The following RALGPS1 variants were observed in gnomAD, a reference collection of about 807,000 sequenced individuals.
RALGPS1 encodes ras-specific guanine nucleotide-releasing factor RalGPS1.
In RALGPS1, 19 loss-of-function variants were observed where a neutral mutation model predicts 78.8. The observed-to-expected ratio is 0.24, with a 90% CI of 0.17 to 0.35. The LOEUF (loss-of-function observed/expected upper bound fraction) is 0.35, where lower values mean the gene tolerates loss of function less well. Ranked by LOEUF, RALGPS1 falls within the 10% of genes least tolerant of loss-of-function variation. The pLI is 1.00. For missense variants in RALGPS1, 454 were observed against 688.3 expected (o/e 0.66, Z 3.81); for synonymous variants, 228 against 256.3 (o/e 0.89, Z 1.06).
chr9:127,179,680 T>C (rs1301913665), intron 11 of RALGPS1, among the ~76,000 whole-genome samples: 1 of 152,190 alleles, frequency 6.6e-6, no homozygotes, highest in Non-Finnish European at 1.5e-5. Context: ...GCTCACATTT[T>C]AGTCGGGGAA....
chr9:126,964,040 C>T (rs1162531000), intron 2 of RALGPS1, among the ~76,000 whole-genome samples: 1 of 152,092 alleles, frequency 6.6e-6, no homozygotes, highest in Non-Finnish European at 1.5e-5. Context: ...GGGAGAATGT[C>T]CTGTCACTGT....
intron 1 of RALGPS1, among the ~76,000 whole-genome samples, chr9:126,955,141 A>T (rs556338198): frequency 6.6e-6 from 1 of 152,170 alleles, no homozygotes; most frequent in South Asian, 2.1e-4. Context: ...CTTTCACCCT[A>T]TTTCATTTCT....
At chr9:126,924,947 G>C (rs907631074) in intron 1 of RALGPS1, among the ~76,000 whole-genome samples, 2 of 152,100 alleles carry the variant, frequency 1.3e-5, no homozygotes, top group Non-Finnish European at 2.9e-5. Context: ...CCAACGTGGA[G>C]AAACCCCGTC....
intron 17 of RALGPS1, chr9:127,213,941 G>A (rs529263625): frequency 6.6e-6 from 1 of 152,358 alleles, no homozygotes; most frequent in South Asian, 2.1e-4. Flanking sequence ...GAGAAGCAGA[G>A]AAACAAAGGG....
chr9:127,188,190 T>G (rs1202001387), intron 11 of RALGPS1, among the ~76,000 whole-genome samples: 1 of 150,978 alleles, frequency 6.6e-6, no homozygotes, highest in Non-Finnish European at 1.5e-5. Context: ...GCCTCCTGAG[T>G]AGCTGGGACT....
chr9:127,060,204 TC>T (rs1245151516), intron 7 of RALGPS1, among the ~76,000 whole-genome samples: 2 of 152,006 alleles, frequency 1.3e-5, no homozygotes, highest in Non-Finnish European at 2.9e-5. Context: ...CATCAAAAAG[TC>T]CCTCTCCAGC....
intron 8 of RALGPS1, among the ~76,000 whole-genome samples, chr9:127,114,524 C>G (rs574300046): frequency 5.4e-4 from 82 of 152,332 alleles, no homozygotes; most frequent in Non-Finnish European, 1.1e-3. Flanking sequence ...CGTCATTAGG[C>G]CTGCAGATCC....
rs1324873085 is a variant in RALGPS1 at position 127,222,500 on chromosome 9, T to C, written c.*3731T>C. ...ATTTCAATGTTAAATACAACTACAA[T>C]ATGAGCGAGAACTGCATTTTCTTGG... On this transcript the variant is annotated 3_prime_UTR_variant, in exon 19 of 19. Coordinates refer to ENST00000259351, the MANE Select transcript of RALGPS1 (RefSeq NM_014636.3). 1 of 152,224 alleles carries C rather than the reference T, an allele frequency of 6.6e-6. No homozygotes were observed. The highest frequency in any genetic ancestry group is 1.9e-4 in the East Asian group (1 of 5,202). The allele number at this position is 152,224 out of a possible 1,614,324, so 9.4% of individuals were successfully genotyped here.
chr9:127,184,047 C>T, intron 11 of RALGPS1: 2 of 1,547,376 alleles, frequency 1.3e-6, no homozygotes, highest in Non-Finnish European at 1.7e-6. Flanking sequence ...CAAGGTCAAC[C>T]AGGTGCAGTG....
intron 4 of RALGPS1, among the ~76,000 whole-genome samples, chr9:127,019,082 A>G (rs2045188318): frequency 6.6e-6 from 1 of 152,150 alleles, no homozygotes; most frequent in Non-Finnish European, 1.5e-5. Flanking sequence ...TTTCTGTTGG[A>G]CATTGCTGGG....
intron 7 of RALGPS1, among the ~76,000 whole-genome samples, chr9:127,059,249 A>G: frequency 6.6e-6 from 1 of 152,078 alleles, no homozygotes; most frequent in East Asian, 1.9e-4. Flanking sequence ...GATAGGCCTG[A>G]GCTGCTTTTT....
At chr9:127,204,700 T>TG in intron 14 of RALGPS1, among the ~76,000 whole-genome samples, 1 of 152,310 alleles carries the variant, frequency 6.6e-6, no homozygotes, top group South Asian at 2.1e-4. Flanking sequence ...AGTTGGGTGA[T>TG]GCAGTTTCTG....
intron 10 of RALGPS1, among the ~76,000 whole-genome samples, chr9:127,170,358 C>T (rs569947957): frequency 1.3e-5 from 2 of 152,268 alleles, no homozygotes; most frequent in South Asian, 2.1e-4. Flanking sequence ...TTTTTCAAAG[C>T]TCCCTAGGTG....
At chr9:126,939,588 A>G (rs1172554987) in intron 1 of RALGPS1, among the ~76,000 whole-genome samples, 1 of 152,236 alleles carries the variant, frequency 6.6e-6, no homozygotes, top group Admixed American at 6.5e-5. Context: ...ACAATCCTGT[A>G]TGCCCACTTT....
chr9:127,069,426 T>G lies in RALGPS1; in HGVS notation c.610+70T>G, dbSNP rs1459903267. 9 of 1,565,156 alleles carry G rather than the reference T, an allele frequency of 5.8e-6. No homozygotes were observed. In the East Asian group the frequency reaches 2.0e-4, roughly 35 times the overall value. On this transcript the variant is annotated intron_variant, in intron 8 of 18. Transcript: ENST00000259351. ...GTGCCAAATAAGATGTTTTTACAGT[T>G]TCTACCTGAAAAATTTCCAGGAAGC... is the stretch of plus-strand genomic sequence containing the variant.
At position 127,091,244 on chromosome 9, in the gene RALGPS1, C is replaced by T. The variant is rs575635675; in HGVS notation, c.610+21888C>T. Among the ~76,000 whole-genome samples, 21 of 152,298 alleles carry T rather than the reference C, an allele frequency of 1.4e-4. No homozygotes were observed. Among genetic ancestry groups the T allele is most frequent in the Admixed American group, 1.4e-3 (21 of 15,300 alleles). ...ACCCACGGAGATTTAGCAGTATGCC[C>T]AAGGACACATGGCTGGTAGGAGGTG... On this transcript the variant is annotated intron_variant, in intron 8 of 18. Transcript: ENST00000259351. This position sits in a 1 kb window ranked among gnomAD's most constrained non-coding sequence, Gnocchi z 4.3.
At chr9:127,136,284 T>A (rs2057386448) in intron 8 of RALGPS1, among the ~76,000 whole-genome samples, 1 of 152,094 alleles carries the variant, frequency 6.6e-6, no homozygotes, top group Admixed American at 6.5e-5. Context: ...CCAAATGCAT[T>A]AGACCTGCCG....
At chr9:127,124,362 A>T (rs1288500729) in intron 8 of RALGPS1, among the ~76,000 whole-genome samples, 1 of 151,982 alleles carries the variant, frequency 6.6e-6, no homozygotes, top group Non-Finnish European at 1.5e-5. Context: ...TGACAGGAGC[A>T]TCAGCCGCAG....
intron 8 of RALGPS1, among the ~76,000 whole-genome samples, chr9:127,145,383 G>A (rs1049273712): frequency 1.3e-5 from 2 of 152,170 alleles, no homozygotes; most frequent in African/African-American, 4.8e-5. Context: ...GCCCTGTGAC[G>A]ACCTGCATCT....
Sources: allele counts gnomAD v4.1 joint callset (sites outside exome capture counted in the v4.1 genomes callset), GRCh38; gene constraint gnomAD v4.1.1; non-coding constraint Gnocchi (gnomAD v3.1); transcripts MANE v1.5; gene names NCBI Gene and HGNC (gene_info 2026-07-23, HGNC 2026-07-21).